TRIM29: variants seen among roughly 807,000 people sequenced by gnomAD.
TRIM29 encodes the protein tripartite motif containing 29.
In TRIM29, 52 loss-of-function variants were observed where a neutral mutation model predicts 57.3. The observed-to-expected ratio is 0.91, with a 90% CI of 0.73 to 1.14. The LOEUF (loss-of-function observed/expected upper bound fraction) is 1.14, where lower values mean the gene tolerates loss of function less well. Ranked by LOEUF, TRIM29 falls within the 50% of genes most tolerant of loss-of-function variation. TRIM29 has a pLI of 0.00. For synonymous variants in TRIM29, 319 were observed against 316.9 expected, an observed-to-expected ratio of 1.01 and a Z score of -0.07; for missense variants, 753 against 774.6, an observed-to-expected ratio of 0.97 and a Z score of 0.33.
chr11:120,127,117 G>A (rs988649549), intron 3 of TRIM29, among the ~76,000 whole-genome samples: 2 of 152,244 alleles, frequency 1.3e-5, no homozygotes, highest in African/African-American at 4.8e-5. Flanking sequence ...GCCATCTTGA[G>A]AGTAGGTAAA....
At chr11:120,112,612 T>G in intron 8 of TRIM29, 136 bp from the exon 9 acceptor site, 1 of 823,232 alleles carries the variant, frequency 1.2e-6, no homozygotes, top group Non-Finnish European at 2.0e-6. Context: ...TTTGGCCTGA[T>G]CTGCAAGATT....
rs1863840998 is a variant in TRIM29, at chr11:120,137,383, T to A, written c.649A>T (p.Ile217Phe). ...AFRDHQLLEP[I>F]RDFEARKCPV... ...CACTTGCGGGCCTCAAAGTCCCGGA[T>A]GGGCTCGAGCAGCTGGTGGTCTCGG... The change falls in exon 1 of 9, where the codon ATC becomes TTC. Residue 217 changes from isoleucine to phenylalanine, a missense_variant. Ile to Phe is a conservative substitution (Grantham distance 21). Transcript: ENST00000341846. This position sits in a 1 kb window ranked among gnomAD's most constrained non-coding sequence, Gnocchi z 6.2. 6.8e-6 allele frequency: 11 copies of A among 1,613,122 alleles called. No homozygotes were observed. Among genetic ancestry groups the A allele is most frequent in the East Asian group, 6.7e-5 (3 of 44,814 alleles).
intron 3 of TRIM29, among the ~76,000 whole-genome samples, chr11:120,126,870 T>C (rs1170509329): frequency 1.3e-5 from 2 of 152,244 alleles, no homozygotes; most frequent in East Asian, 3.8e-4. Context: ...CTTGTACTTC[T>C]CTATTCGCCA....
chr11:120,120,367 ACACACACACACAC>A (rs1863405887), intron 6 of TRIM29, among the ~76,000 whole-genome samples, 193 bp downstream of exon 6: 1 of 150,314 alleles, frequency 6.7e-6, no homozygotes, highest in African/African-American at 2.5e-5. Context: ...ACACACACAC[ACACACACACACAC>A]ACACACACAC....
At chr11:120,128,558 C>A in intron 1 of TRIM29, 63 bp from the exon 2 acceptor site, 1 of 1,554,384 alleles carries the variant, frequency 6.4e-7, no homozygotes. Context: ...ACCAGAGAAC[C>A]AGGGAGCGGC....
intron 6 of TRIM29, 127 bp downstream of exon 6, chr11:120,120,446 T>A: frequency 1.2e-6 from 1 of 829,228 alleles, no homozygotes; most frequent in Non-Finnish European, 1.9e-6. Flanking sequence ...CCTCCACCCA[T>A]CCTAGCTTCC....
At chr11:120,128,850 C>A (rs1459408597) in intron 1 of TRIM29, 3 of 1,499,008 alleles carry the variant, frequency 2.0e-6, no homozygotes, top group Non-Finnish European at 2.7e-6. Context: ...GACCTGGGGA[C>A]AATGGGAAGA....
chr11:120,118,453 C>G, intron 6 of TRIM29, 132 bp from the exon 7 acceptor site: 1 of 634,588 alleles, frequency 1.6e-6, no homozygotes. Flanking sequence ...CTGTGTGATC[C>G]CAGTGACGCC....
In TRIM29 at chr11:120,125,856, GGA is replaced by G. The variant is rs1863578329; in HGVS notation, c.1166_1167del (p.Leu389ProfsTer36). Reference sequence around the variant, plus strand: ...ACATGATAGGTGGGCAGGGGTGGGGGGAGAGAGTAATTGCTCATCAATGCACC... The same window carrying G: ...ACATGATAGGTGGGCAGGGGTGGGGGGAGAGTAATTGCTCATCAATGCACC... ...EFGALMSNYS[L>X]PPPLPTYHVL... On this transcript the variant is annotated frameshift_variant, in exon 4 of 9. Transcript: ENST00000341846. LOFTEE classifies it high-confidence loss of function. 1 of 1,613,910 alleles carries G rather than the reference GGA, an allele frequency of 6.2e-7. No individual in the cohort carries two copies. The highest frequency in any genetic ancestry group is 8.5e-7 in the Non-Finnish European group (1 of 1,179,964).
At chr11:120,118,396 G>T (rs1863339022) in intron 6 of TRIM29, 75 bp from the exon 7 acceptor site, 1 of 1,177,310 alleles carries the variant, frequency 8.5e-7, no homozygotes. Flanking sequence ...GACACAGCCA[G>T]GTCTATGACT....
chr11:120,127,599 G>A (rs1386661930), intron 2 of TRIM29, 30 bp from the exon 3 acceptor site: 3 of 1,597,922 alleles, frequency 1.9e-6, no homozygotes, highest in Admixed American at 1.7e-5. Context: ...GAAGAGATTA[G>A]GCAGGGCTTT....
intron 3 of TRIM29, among the ~76,000 whole-genome samples, chr11:120,126,962 C>T (rs369485408): frequency 2.8e-4 from 43 of 152,256 alleles, no homozygotes; most frequent in South Asian, 6.2e-4. Context: ...AATAGACAAA[C>T]GGACTAGATC....
rs528182243 is a variant in TRIM29 at position 120,114,474 on chromosome 11, T to C, written c.1704+864A>G. Among the ~76,000 whole-genome samples the C allele has an allele frequency of 3.9e-5, 6 of 152,278 alleles. No individual in the cohort carries two copies. The East Asian group carries it at 1.2e-3, about 29-fold the overall frequency. ...CACCTCTCCTGCTCTGACCTCCAAT[T>C]GCAAGGACAGCAAGAAACAAGGGCT... On this transcript the variant is annotated intron_variant, in intron 8 of 8. Coordinates refer to ENST00000341846, the MANE Select transcript of TRIM29 (RefSeq NM_012101.4).
Position 120,125,784 on chromosome 11 carries a change from C to T in TRIM29, c.1240G>A (p.Asp414Asn). 6.2e-7 allele frequency: 1 copy of T among 1,614,180 alleles called. No homozygotes were observed. Among genetic ancestry groups the T allele is most frequent in the South Asian group, 1.1e-5 (1 of 91,082 alleles). ...GLGQSLGNFK[D>N]DLLNVCMRHV... ...CGCATGCATACATTGAGCAGGTCGT[C>T]CTTGAAGTTGCCTAGTGACTGTCCC... The change falls in exon 4 of 9, where the codon GAC becomes AAC. Residue 414 changes from aspartate to asparagine, a missense_variant. Physicochemically the swap from Asp to Asn is conservative, Grantham distance 23. Coordinates refer to ENST00000341846, the MANE Select transcript of TRIM29 (RefSeq NM_012101.4).
chr11:120,128,255 A>C, intron 2 of TRIM29, 145 bp downstream of exon 2: 1 of 653,504 alleles, frequency 1.5e-6, no homozygotes, highest in Non-Finnish European at 2.6e-6. Flanking sequence ...GTTGGTGAGA[A>C]TGTCAGAGGA....
At chr11:120,118,428 T>A in intron 6 of TRIM29, 107 bp from the exon 7 acceptor site, 2 of 761,192 alleles carry the variant, frequency 2.6e-6, no homozygotes, top group Non-Finnish European at 4.2e-6. Flanking sequence ...GGCCACAACT[T>A]AAGCCAGGAT....
chr11:120,123,242 G>C (rs1863506412), intron 4 of TRIM29, 187 bp from the exon 5 acceptor site: 2 of 697,910 alleles, frequency 2.9e-6, no homozygotes, highest in Non-Finnish European at 5.2e-6. Flanking sequence ...CTGAGCTCTT[G>C]GTGGAGAAGG....
chr11:120,128,484 T>G lies in TRIM29; in HGVS notation c.816A>C (p.Ser272=), dbSNP rs1036527908. 3 of 1,609,942 alleles carry G rather than the reference T, an allele frequency of 1.9e-6. No individual in the cohort carries two copies. In the East Asian group the frequency reaches 6.7e-5, roughly 36 times the overall value. ...TGAGCTGCAGCTGCTCCTTTTGCAATGACAGCTCCGTCTGCAGAGAAAGAG... is the reference window on the plus strand; with the variant it reads ...TGAGCTGCAGCTGCTCCTTTTGCAAGGACAGCTCCGTCTGCAGAGAAAGAG... ...EAKAEKETEL[S]LQKEQLQLKI... is the part of the protein sequence containing the mutation. Residue 272 remains serine (S), a synonymous_variant, in exon 2 of 9, where the codon TCA becomes TCC. Transcript: ENST00000341846.
At chr11:120,133,483 TC>T (rs1272999983) in intron 1 of TRIM29, among the ~76,000 whole-genome samples, 1 of 152,194 alleles carries the variant, frequency 6.6e-6, no homozygotes, top group African/African-American at 2.4e-5. Context: ...GCTTCCTGTC[TC>T]CAAGCTTCTT....
Sources: gnomAD v4.1 joint callset for allele counts (sites outside exome capture counted in the v4.1 genomes callset) on GRCh38, gnomAD v4.1.1 for gene constraint, Gnocchi (gnomAD v3.1) non-coding constraint, MANE v1.5 for transcripts, NCBI Gene and HGNC (gene_info 2026-07-23, HGNC 2026-07-21) for gene names.